NPSR1: variants seen among roughly 807,000 people sequenced by gnomAD.
NPSR1 encodes the protein neuropeptide S receptor.
A neutral mutation model predicts 46.9 loss-of-function variants in NPSR1; 48 were observed. The ratio of observed to expected loss-of-function variants is 1.02; its 90% CI spans 0.81 to 1.30. The LOEUF (loss-of-function observed/expected upper bound fraction) is 1.30, where lower values mean the gene tolerates loss of function less well. Among genes scored for constraint, NPSR1 ranks in the 50% most tolerant of loss-of-function variants. NPSR1 has a pLI of 0.00. For missense variants in NPSR1, 450 were observed against 449.5 expected, an observed-to-expected ratio of 1.00 and a Z score of -0.01; for synonymous variants, 176 against 168.1, an observed-to-expected ratio of 1.05 and a Z score of -0.36.
intron 2 of NPSR1, among the ~76,000 whole-genome samples, chr7:34,722,977 C>A (rs888596464): frequency 6.6e-6 from 1 of 152,170 alleles, no homozygotes; most frequent in African/African-American, 2.4e-5. Flanking sequence ...TGACCTGTGT[C>A]ACAGTGGCCT....
chr7:34,856,808 G>T (rs1215693741), intron 8 of NPSR1, among the ~76,000 whole-genome samples: 2 of 151,574 alleles, frequency 1.3e-5, no homozygotes, highest in Non-Finnish European at 2.9e-5. Context: ...CTAGAATTAG[G>T]CAGATAAGGA....
At chr7:34,874,942 T>C (rs994531988) in intron 8 of NPSR1, among the ~76,000 whole-genome samples, 5 of 152,196 alleles carry the variant, frequency 3.3e-5, no homozygotes, top group Non-Finnish European at 7.3e-5. Flanking sequence ...GCAATAGATG[T>C]ATTTTTCAAG....
intron 2 of NPSR1, among the ~76,000 whole-genome samples, chr7:34,771,594 A>G (rs930104429): frequency 1.3e-5 from 2 of 152,202 alleles, no homozygotes; most frequent in Non-Finnish European, 1.5e-5. Context: ...TGAGAAGAAG[A>G]CAGGGACTCA....
chr7:34,851,659 A>C (rs952001855), downstream of NPSR1, among the ~76,000 whole-genome samples: 1 of 152,236 alleles, frequency 6.6e-6, no homozygotes, highest in African/African-American at 2.4e-5. Context: ...CCTACATGGC[A>C]AAACAGGAGG....
intron 8 of NPSR1, among the ~76,000 whole-genome samples, chr7:34,856,149 A>C (rs1451625622): frequency 6.7e-6 from 1 of 148,654 alleles, no homozygotes; most frequent in Non-Finnish European, 1.5e-5. Flanking sequence ...ATCCTAGTCA[A>C]TGTAGTAAAA....
chr7:34,716,388 T>A (rs953088187), intron 2 of NPSR1, among the ~76,000 whole-genome samples: 2 of 152,142 alleles, frequency 1.3e-5, no homozygotes, highest in Non-Finnish European at 2.9e-5. Flanking sequence ...GACTTCAACT[T>A]TGACTTAAGA....
chr7:34,819,079 T>A (rs1313305984), intron 4 of NPSR1, among the ~76,000 whole-genome samples: 2 of 152,066 alleles, frequency 1.3e-5, no homozygotes, highest in East Asian at 3.8e-4. Flanking sequence ...GGGATCTAAT[T>A]AAACTAAAGA....
intron 6 of NPSR1, among the ~76,000 whole-genome samples, chr7:34,835,727 G>C (rs1019767334): frequency 6.6e-6 from 1 of 152,198 alleles, no homozygotes; most frequent in Non-Finnish European, 1.5e-5. Flanking sequence ...TCTTCTGCAT[G>C]TCAGGAGTGG....
chr7:34,827,431 C>A lies in NPSR1; in HGVS notation c.509C>A (p.Ala170Asp). 6.2e-7 allele frequency: 1 copy of A among 1,614,108 alleles called. No homozygotes were observed. Among genetic ancestry groups the A allele is most frequent in the Non-Finnish European group, 8.5e-7 (1 of 1,180,012 alleles). Residue 170 changes from alanine (A) to aspartate (D), a missense_variant, in exon 5 of 9, where the codon GCC becomes GAC. By Grantham distance (126) the Ala-to-Asp change is moderately radical. Transcript: ENST00000360581. ...EKQARVLIVI[A>D]WSLSFLFSIP... is the part of the protein sequence containing the mutation. Reference sequence around the variant, plus strand: ...CAAGCCAGGGTCCTCATTGTGATCGCCTGGAGCCTGTCTTTTCTGTTCTCC... The same window carrying A: ...CAAGCCAGGGTCCTCATTGTGATCGACTGGAGCCTGTCTTTTCTGTTCTCC...
intron 3 of NPSR1, among the ~76,000 whole-genome samples, chr7:34,798,248 T>C (rs1788277975): frequency 6.6e-6 from 1 of 152,106 alleles, no homozygotes; most frequent in South Asian, 2.1e-4. Context: ...TTAAAAGAGA[T>C]GCAGCCCAGG....
intron 8 of NPSR1, among the ~76,000 whole-genome samples, chr7:34,858,743 G>A (rs778423730): frequency 5.3e-5 from 8 of 151,804 alleles, no homozygotes; most frequent in South Asian, 4.1e-4. Context: ...ATCAGATCTC[G>A]TAAGACCCAT....
intron 2 of NPSR1, among the ~76,000 whole-genome samples, chr7:34,726,555 C>T (rs183623432): frequency 2.5e-4 from 38 of 152,306 alleles, no homozygotes; most frequent in African/African-American, 8.9e-4. Flanking sequence ...CAAGAATCTG[C>T]ACATGAATGT....
intron 2 of NPSR1, among the ~76,000 whole-genome samples, chr7:34,715,826 A>C (rs1379716935): frequency 6.6e-6 from 1 of 152,150 alleles, no homozygotes; most frequent in Non-Finnish European, 1.5e-5. Flanking sequence ...ACCATATGGG[A>C]GGGCGATCCA....
chr7:34,658,907 G>C (rs569135114), intron 1 of NPSR1, among the ~76,000 whole-genome samples: 1 of 152,252 alleles, frequency 6.6e-6, no homozygotes, highest in East Asian at 1.9e-4. Context: ...TTTCTAGTAG[G>C]GGTTAGAGCT....
At chr7:34,862,277 TG>T (rs1311640616) in intron 8 of NPSR1, among the ~76,000 whole-genome samples, 1 of 151,680 alleles carries the variant, frequency 6.6e-6, no homozygotes, top group Non-Finnish European at 1.5e-5. Context: ...GCCCCAGCCT[TG>T]CCATCTCCTC....
chr7:34,704,732 C>T (rs1022321286), intron 2 of NPSR1, among the ~76,000 whole-genome samples: 2 of 152,182 alleles, frequency 1.3e-5, no homozygotes, highest in African/African-American at 4.8e-5. Context: ...CAGCTATGCC[C>T]TGATTGGAGG....
chr7:34,663,067 C>CTCTCTCTCTCTCTCTCTCTGTGTGTG (rs35826710), intron 1 of NPSR1, among the ~76,000 whole-genome samples: 2 of 99,386 alleles, frequency 2.0e-5, no homozygotes, highest in African/African-American at 5.7e-5. Context: ...CTCTCTCTCT[C>CTCTCTCTCTCTCTCTCTCTGTGTGTG]TGTGTGTGTG....
intron 7 of NPSR1, among the ~76,000 whole-genome samples, chr7:34,847,153 G>A (rs1319435728): frequency 6.6e-6 from 1 of 152,166 alleles, no homozygotes; most frequent in Admixed American, 6.5e-5. Flanking sequence ...GGAAACATGA[G>A]TCAGTTTATC....
At chr7:34,735,781 A>T (rs1010231795) in intron 2 of NPSR1, among the ~76,000 whole-genome samples, 1 of 152,244 alleles carries the variant, frequency 6.6e-6, no homozygotes, top group Admixed American at 6.5e-5. Context: ...GCTATTTATA[A>T]CAACAGAAAA....
Sources: allele counts gnomAD v4.1 joint callset (sites outside exome capture counted in the v4.1 genomes callset), GRCh38; gene constraint gnomAD v4.1.1; transcripts MANE v1.5; gene names NCBI Gene and HGNC (gene_info 2026-07-23, HGNC 2026-07-21).